Variants in MGA observed in about 807,000 individuals in gnomAD.
The protein encoded by MGA is MAX dimerization protein MGA.
A neutral mutation model predicts 261.1 loss-of-function variants in MGA; 40 were observed. The ratio of observed to expected loss-of-function variants is 0.15; its 90% CI spans 0.12 to 0.20. MGA has a LOEUF of 0.20. Ranked by LOEUF, MGA falls within the 10% of genes least tolerant of loss-of-function variation. MGA has a pLI of 1.00. For missense variants in MGA, 3,397 were observed against 3,630.5 expected, an observed-to-expected ratio of 0.94 and a Z score of 1.65; for synonymous variants, 1,302 against 1,290.6, an observed-to-expected ratio of 1.01 and a Z score of -0.19.
In MGA at chr15:41,736,464, A is replaced by G. The variant is rs375844550; in HGVS notation, c.4200A>G (p.Pro1400=). Residue 1400 remains proline, a synonymous_variant, in exon 13 of 24, where the codon CCA becomes CCG. Coordinates refer to ENST00000219905, the MANE Select transcript of MGA (RefSeq NM_001164273.2). ...CTTCTCGTGTGAAAATCTCTATGCC[A>G]TCATGTCAAGACCAAGATGATATGG... 6 of 1,613,940 alleles carry G rather than the reference A, an allele frequency of 3.7e-6. No individual in the cohort carries two copies. Among genetic ancestry groups the G allele is most frequent in the Non-Finnish European group, 4.2e-6 (5 of 1,179,910 alleles).
intron 1 of MGA, among the ~76,000 whole-genome samples, chr15:41,626,516 G>A (rs545149688): frequency 1.3e-5 from 2 of 152,050 alleles, no homozygotes; most frequent in East Asian, 1.9e-4. Context: ...TCTGCCTCCC[G>A]GGTTCAAGTG....
At chr15:41,760,226 G>A (rs2063376000) in intron 19 of MGA, 97 bp from the exon 20 acceptor site, 6 of 1,147,968 alleles carry the variant, frequency 5.2e-6, no homozygotes, top group Non-Finnish European at 6.5e-6. Context: ...CCAGACAAAA[G>A]GTAATGAGTG....
At position 41,727,400 on chromosome 15, in the gene MGA, T is replaced by C; in HGVS notation, c.3651T>C (p.Asn1217=). 7 of 1,612,268 alleles carry C rather than the reference T, an allele frequency of 4.3e-6. No individual in the cohort carries two copies. Among genetic ancestry groups the C allele is most frequent in the Non-Finnish European group, 5.9e-6 (7 of 1,178,876 alleles). Residue 1217 remains asparagine, a synonymous_variant, in exon 10 of 24, where the codon AAT becomes AAC. Coordinates refer to ENST00000219905, the MANE Select transcript of MGA (RefSeq NM_001164273.2). Reference sequence around the variant, plus strand: ...CACGGTCATATACTCCCAAACCCAATCCTGTGGTAAGTCTGGAATTTAATC... The same window carrying C: ...CACGGTCATATACTCCCAAACCCAACCCTGTGGTAAGTCTGGAATTTAATC...
upstream of MGA, among the ~76,000 whole-genome samples, chr15:41,656,146 A>G (rs1186625406): frequency 6.6e-6 from 1 of 152,138 alleles, no homozygotes; most frequent in Non-Finnish European, 1.5e-5. Context: ...TAACTGGAAG[A>G]CCTTACCTGA....
chr15:41,695,980 C>A, intron 2 of MGA, 95 bp from the exon 3 acceptor site: 1 of 948,350 alleles, frequency 1.1e-6, no homozygotes, highest in Non-Finnish European at 1.6e-6. Flanking sequence ...TGATGTGTTA[C>A]TTGGATTCCT....
intron 9 of MGA, chr15:41,718,308 T>C (rs2060754687): frequency 4.2e-6 from 1 of 238,172 alleles, no homozygotes; most frequent in Non-Finnish European, 7.9e-6. Context: ...TGTGTATATA[T>C]ATATATATAT....
intron 7 of MGA, among the ~76,000 whole-genome samples, chr15:41,709,593 C>T (rs185644621): frequency 2.3e-4 from 35 of 151,788 alleles, no homozygotes; most frequent in African/African-American, 7.2e-4. Flanking sequence ...CACAGGTGTG[C>T]GCCACCATGC....
intron 5 of MGA, among the ~76,000 whole-genome samples, chr15:41,702,008 A>G (rs758959014): frequency 4.6e-5 from 7 of 150,668 alleles, no homozygotes; most frequent in Non-Finnish European, 8.9e-5. Context: ...TTTCTCCCCA[A>G]CCTTGGCTTC....
intron 2 of MGA, among the ~76,000 whole-genome samples, chr15:41,680,620 T>C (rs1406291256): frequency 1.3e-5 from 2 of 152,136 alleles, no homozygotes; most frequent in East Asian, 1.9e-4. Flanking sequence ...GTATTTAGAA[T>C]TAGAATTTTG....
chr15:41,720,098 G>A (rs576108545), intron 9 of MGA, among the ~76,000 whole-genome samples: 5 of 152,222 alleles, frequency 3.3e-5, no homozygotes, highest in East Asian at 3.9e-4. Flanking sequence ...ATGGAAATGC[G>A]AAGAATCTAG....
chr15:41,728,789 A>G (rs1349461968), intron 10 of MGA, among the ~76,000 whole-genome samples: 1 of 152,252 alleles, frequency 6.6e-6, no homozygotes, highest in Non-Finnish European at 1.5e-5. Context: ...AGAAATTTCT[A>G]CAGCAAGTTG....
At position 41,732,434 on chromosome 15, in the gene MGA, C is replaced by A. The variant is rs559080195; in HGVS notation, c.3844-2088C>A. On this transcript the variant is annotated intron_variant, in intron 11 of 23. Coordinates refer to ENST00000219905, the MANE Select transcript of MGA (RefSeq NM_001164273.2). ...AAGTGCTGGGATTACCCACGTGAGC[C>A]ACCGTGCCCGGCCTGTTATCCTTAT... Among the ~76,000 whole-genome samples, 3 of 152,320 alleles carry A rather than the reference C, an allele frequency of 2.0e-5. No individual in the cohort carries two copies. The South Asian group carries it at 6.2e-4, about 32-fold the overall frequency.
At chr15:41,673,138 A>T (rs949407166) in intron 2 of MGA, among the ~76,000 whole-genome samples, 5 of 152,008 alleles carry the variant, frequency 3.3e-5, no homozygotes, top group African/African-American at 4.8e-5. Context: ...GACTCCTTAT[A>T]TTATAATATA....
intron 1 of MGA, among the ~76,000 whole-genome samples, chr15:41,640,208 C>A (rs1356814009): frequency 6.6e-6 from 1 of 152,000 alleles, no homozygotes; most frequent in Non-Finnish European, 1.5e-5. Flanking sequence ...ATTATAAATG[C>A]AAAGGTTCAG....
intron 1 of MGA, among the ~76,000 whole-genome samples, chr15:41,651,682 T>TTTCCCCTCTCTTACCCC (rs138040840): frequency 2.5e-5 from 1 of 40,006 alleles, no homozygotes; most frequent in East Asian, 1.1e-3. Flanking sequence ...CCATTCCCCC[T>TTTCCCCTCTCTTACCCC]TTCCCCTCTC....
intron 2 of MGA, among the ~76,000 whole-genome samples, chr15:41,672,212 A>G (rs1031818601): frequency 6.6e-6 from 1 of 152,176 alleles, no homozygotes; most frequent in African/African-American, 2.4e-5. Context: ...TGGGTGCAGT[A>G]GTGCATTCAC....
At chr15:41,684,296 C>T (rs2058830370) in intron 2 of MGA, 1 of 398,302 alleles carries the variant, frequency 2.5e-6, no homozygotes, top group Admixed American at 3.1e-5. Flanking sequence ...GTTCGTCACA[C>T]ATTAATATGT....
chr15:41,650,778 A>G lies in MGA; in HGVS notation c.-67-18050A>G, dbSNP rs181358721. Among the ~76,000 whole-genome samples, 3 of 152,294 alleles carry G rather than the reference A, an allele frequency of 2.0e-5. No homozygotes were observed. The East Asian group carries it at 5.8e-4, about 29-fold the overall frequency. Reference sequence around the variant, plus strand: ...TGTATACCTCTTATAAATATTTGATAGTGCAGAGTAGGGATCTAAATGTTC... The same window carrying G: ...TGTATACCTCTTATAAATATTTGATGGTGCAGAGTAGGGATCTAAATGTTC... On this transcript the variant is annotated intron_variant, in intron 1 of 8. Coordinates refer to the MGA transcript ENST00000566718.
Position 41,743,044 on chromosome 15 carries a change from C to T in MGA, c.5084C>T (p.Ser1695Phe), listed in dbSNP as rs768270926. ...ACTCTTCCTGTTGCTTCCACTGCTTCCACCTCCTTAGTCGTGGTGACTGCA... is the reference window on the plus strand; with the variant it reads ...ACTCTTCCTGTTGCTTCCACTGCTTTCACCTCCTTAGTCGTGGTGACTGCA... The change falls in exon 15 of 24, where the codon TCC becomes TTC. Residue 1695 changes from serine (S) to phenylalanine (F), a missense_variant. By Grantham distance (155) the Ser-to-Phe change is radical. Around this residue, in one of 9 missense-constraint regions of MGA, gnomAD observed 1,410 missense variants for 1,386.4 expected, o/e 1.02. Transcript: ENST00000219905. 6.2e-7 allele frequency: 1 copy of T among 1,614,016 alleles called. No individual in the cohort carries two copies. The highest frequency in any genetic ancestry group is 1.1e-5 in the South Asian group (1 of 91,084).
Sources: gnomAD v4.1 joint callset for allele counts (sites outside exome capture counted in the v4.1 genomes callset) on GRCh38, gnomAD v4.1.1 for gene constraint, gnomAD v4.1.1 regional missense constraint, MANE v1.5 for transcripts, NCBI Gene and HGNC (gene_info 2026-07-23, HGNC 2026-07-21) for gene names.